Variants in CDH13 observed in about 807,000 individuals in gnomAD.
CDH13 encodes the protein cadherin 13, also known as cadherin-13.
CDH13 carries 24 observed loss-of-function variants against 63.8 expected under a neutral mutation model. The observed-to-expected ratio is 0.38, with a 90% CI of 0.27 to 0.53. CDH13 has a LOEUF of 0.53. CDH13 is among the 20% of genes least tolerant of loss of function. The probability of loss-of-function intolerance (pLI) is 0.85; values close to 1 mark genes in which losing one functional copy is unlikely to be tolerated. For missense variants in CDH13, 1,049 were observed against 903.1 expected (o/e 1.16, Z -2.07); for synonymous variants, 503 against 355.3 (o/e 1.42, Z -4.67).
At chr16:83,718,146 G>C (rs890556372) in intron 10 of CDH13, among the ~76,000 whole-genome samples, 2 of 152,224 alleles carry the variant, frequency 1.3e-5, no homozygotes, top group Non-Finnish European at 2.9e-5. Context: ...CAGCGGGAGA[G>C]CAGGAAGTGG....
intron 8 of CDH13, among the ~76,000 whole-genome samples, chr16:83,605,803 G>A (rs1908276174): frequency 6.6e-6 from 1 of 152,186 alleles, no homozygotes; most frequent in South Asian, 2.1e-4. Context: ...AGGTTAAAAG[G>A]CTACTCTTTT....
At position 83,373,999 on chromosome 16, in the gene CDH13, G is replaced by T. The variant is rs9928665; in HGVS notation, c.781+28993G>T. Among the ~76,000 whole-genome samples the T allele has an allele frequency of 9.5e-3, 1,452 of 152,316 alleles. 17 individuals are homozygous for T. The highest frequency in any genetic ancestry group is 0.032 in the African/African-American group (1,327 of 41,562). ...TCTCCAAACGCAACAGGAAGTCGAA[G>T]GTCTTTCTCTATTCAGGCCAGCCTC... On this transcript the variant is annotated intron_variant, in intron 6 of 13. Coordinates refer to ENST00000567109, the MANE Select transcript of CDH13 (RefSeq NM_001257.5).
chr16:83,420,264 C>T (rs1006244140), intron 6 of CDH13, among the ~76,000 whole-genome samples: 1 of 152,124 alleles, frequency 6.6e-6, no homozygotes, highest in Non-Finnish European at 1.5e-5. Flanking sequence ...GAGGTAGTCA[C>T]AATTGAGAGC....
In CDH13 at chr16:83,204,549, A is replaced by G. The variant is rs74031470; in HGVS notation, c.484-12796A>G. 4.8e-3 allele frequency among the ~76,000 whole-genome samples: 728 copies of G among 152,246 alleles called. 9 individuals are homozygous for G. The highest frequency in any genetic ancestry group is 0.016 in the African/African-American group (669 of 41,550). On this transcript the variant is annotated intron_variant, in intron 4 of 13. Coordinates refer to ENST00000567109, the MANE Select transcript of CDH13 (RefSeq NM_001257.5). ...TCCATTATTTTCCATTGTGCAGAAG[A>G]CAGGAGTGAGGCTCAGAGAGGCCAC...
At chr16:83,283,162 C>A (rs577810086) in intron 5 of CDH13, among the ~76,000 whole-genome samples, 2 of 152,198 alleles carry the variant, frequency 1.3e-5, no homozygotes, top group African/African-American at 2.4e-5. Context: ...ATTTTTAAAT[C>A]TTTAATTAGG....
rs1185549648 is a variant in CDH13 at position 82,802,930 on chromosome 16, AC to A, written c.46-55429del. Among the ~76,000 whole-genome samples the A allele has an allele frequency of 2.0e-5, 3 of 151,978 alleles. No individual in the cohort carries two copies. The East Asian group carries it at 5.8e-4, about 29-fold the overall frequency. On this transcript the variant is annotated intron_variant, in intron 1 of 13. Transcript: ENST00000567109. ...TCCTCCTTACTTTGAAATAAATCCCACCCACTACGGTGTCCCATTTCAGAAA... is the reference window on the plus strand; with the variant it reads ...TCCTCCTTACTTTGAAATAAATCCCACCACTACGGTGTCCCATTTCAGAAA...
At chr16:82,844,297 A>G (rs1370188048) in intron 1 of CDH13, among the ~76,000 whole-genome samples, 1 of 152,112 alleles carries the variant, frequency 6.6e-6, no homozygotes, top group African/African-American at 2.4e-5. Context: ...GAGAAAACAC[A>G]TTCTCCTGAA....
intron 8 of CDH13, among the ~76,000 whole-genome samples, chr16:83,647,258 C>T (rs936089017): frequency 1.3e-5 from 2 of 149,720 alleles, no homozygotes; most frequent in Admixed American, 6.7e-5. Flanking sequence ...TGCAGTGAAC[C>T]GAGATCATGC....
At chr16:83,066,243 G>C (rs925240323) in intron 3 of CDH13, among the ~76,000 whole-genome samples, 5 of 152,140 alleles carry the variant, frequency 3.3e-5, no homozygotes, top group African/African-American at 1.2e-4. Flanking sequence ...TAAGCTCTAG[G>C]GGAATCAGTT....
chr16:83,347,910 A>G (rs2090872539), intron 6 of CDH13, among the ~76,000 whole-genome samples: 1 of 152,162 alleles, frequency 6.6e-6, no homozygotes, highest in Non-Finnish European at 1.5e-5. Context: ...CCCAAGAACC[A>G]GCTGGGTGGA....
At chr16:83,790,905 C>T (rs376578688) in intron 13 of CDH13, among the ~76,000 whole-genome samples, 1 of 152,164 alleles carries the variant, frequency 6.6e-6, no homozygotes, top group African/African-American at 2.4e-5. Flanking sequence ...CTTAATTAAC[C>T]AGTATTAGCA....
At chr16:83,053,211 A>G (rs1004940857) in intron 3 of CDH13, among the ~76,000 whole-genome samples, 2 of 152,222 alleles carry the variant, frequency 1.3e-5, no homozygotes, top group African/African-American at 4.8e-5. Context: ...TATGGTATTC[A>G]TTGTTAAAAT....
intron 1 of CDH13, among the ~76,000 whole-genome samples, chr16:82,833,316 A>G (rs2038625666): frequency 6.6e-6 from 1 of 152,220 alleles, no homozygotes. Context: ...AATAATTCTC[A>G]CTGACATTTT....
chr16:82,933,812 C>G (rs1393568714), intron 2 of CDH13, among the ~76,000 whole-genome samples: 1 of 152,222 alleles, frequency 6.6e-6, no homozygotes, highest in Non-Finnish European at 1.5e-5. Context: ...CAGTAATTAA[C>G]TCTTAAAGCT....
intron 4 of CDH13, among the ~76,000 whole-genome samples, chr16:83,209,032 T>C (rs1234640829): frequency 6.6e-6 from 1 of 152,080 alleles, no homozygotes; most frequent in East Asian, 1.9e-4. Flanking sequence ...TGAACCCCTA[T>C]CAACTCCAGT....
At chr16:83,124,885 AT>A (rs1459495412) in intron 3 of CDH13, among the ~76,000 whole-genome samples, 4 of 152,166 alleles carry the variant, frequency 2.6e-5, no homozygotes, top group Non-Finnish European at 5.9e-5. Flanking sequence ...ATTAATCTAG[AT>A]TTATACCAGT....
At chr16:83,465,239 C>A (rs927120870) in intron 6 of CDH13, among the ~76,000 whole-genome samples, 1 of 152,084 alleles carries the variant, frequency 6.6e-6, no homozygotes, top group Non-Finnish European at 1.5e-5. Context: ...TAGAGAAAGC[C>A]AGAAGTGTTA....
At chr16:82,762,687 C>T (rs2034898946) in intron 1 of CDH13, among the ~76,000 whole-genome samples, 1 of 152,126 alleles carries the variant, frequency 6.6e-6, no homozygotes. Context: ...TACTGGACTT[C>T]CTGGAGGGGT....
Position 82,879,612 on chromosome 16 carries a change from T to G in CDH13, c.157+21139T>G, listed in dbSNP as rs866646352. On this transcript the variant is annotated intron_variant, in intron 2 of 13. Coordinates refer to ENST00000567109, the MANE Select transcript of CDH13 (RefSeq NM_001257.5). The stretch of plus-strand genomic sequence containing the variant: ...ATTATATTTATATGTAATTGTATAT[T>G]TATACATAATATAAAATATCTATTA... 4.9e-3 allele frequency among the ~76,000 whole-genome samples: 684 copies of G among 140,946 alleles called. 5 individuals carry two copies. The highest frequency in any genetic ancestry group is 8.5e-3 in the Non-Finnish European group (559 of 66,118). 92.5% of individuals were successfully genotyped at this position (140,946 alleles called of 152,430 possible).
Sources: allele counts gnomAD v4.1 joint callset (sites outside exome capture counted in the v4.1 genomes callset), GRCh38; gene constraint gnomAD v4.1.1; transcripts MANE v1.5; gene names NCBI Gene and HGNC (gene_info 2026-07-23, HGNC 2026-07-21).